ACLY: variants seen among roughly 807,000 people sequenced by gnomAD.
ACLY encodes the protein ATP citrate lyase.
A neutral mutation model predicts 133.0 loss-of-function variants in ACLY; 41 were observed. The ratio of observed to expected loss-of-function variants is 0.31; its 90% CI spans 0.24 to 0.40. ACLY has a LOEUF of 0.40. ACLY is among the 10% of genes least tolerant of loss of function. The probability of loss-of-function intolerance (pLI) is 1.00; values close to 1 mark genes in which losing one functional copy is unlikely to be tolerated. For synonymous variants in ACLY, 495 were observed against 549.3 expected (o/e 0.90, Z 1.38); for missense variants, 1,046 against 1,453.8 (o/e 0.72, Z 4.56).
chr17:41,867,409 A>G lies in ACLY; in HGVS notation c.*401T>C, dbSNP rs1351010696. On this transcript the variant is annotated 3_prime_UTR_variant, in exon 29 of 29. Transcript: ENST00000352035. ...CATTGGGGTGCTTTAAATGTATAGT[A>G]TCTTGAGGCCATAAATGTTTCATTC... 1.3e-5 allele frequency: 2 copies of G among 154,512 alleles called. No homozygotes were observed. Among genetic ancestry groups the G allele is most frequent in the African/African-American group, 4.8e-5 (2 of 41,514 alleles). The allele number at this position is 154,512 out of a possible 1,614,324, so 9.6% of individuals were successfully genotyped here.
intron 11 of ACLY, among the ~76,000 whole-genome samples, 171 bp from the exon 12 acceptor site, chr17:41,898,956 T>C (rs1041935604): frequency 1.3e-5 from 2 of 152,196 alleles, no homozygotes; most frequent in Non-Finnish European, 1.5e-5. Context: ...GACAAATCTT[T>C]CTAAAGGCCA....
At chr17:41,907,135 C>T (rs934762964) in intron 7 of ACLY, among the ~76,000 whole-genome samples, 1 of 152,038 alleles carries the variant, frequency 6.6e-6, no homozygotes, top group Admixed American at 6.6e-5. Flanking sequence ...CAGTGAGACG[C>T]GGAGAGAATG....
rs782069820 is a variant in ACLY at position 41,887,559 on chromosome 17, T to C, written c.1875+40A>G. The C allele has an allele frequency of 1.2e-5, 18 of 1,550,222 alleles. No homozygotes were observed. In the African/African-American group the frequency reaches 1.4e-4, roughly 12 times the overall value. ...CCTAAGGGCATTGAACTTCATAAGA[T>C]AGCATCGAACGTAAAAGGCTTTCCG... On this transcript the variant is annotated intron_variant, in intron 17 of 28. Coordinates refer to ENST00000352035, the MANE Select transcript of ACLY (RefSeq NM_001096.3).
intron 3 of ACLY, among the ~76,000 whole-genome samples, chr17:41,911,317 C>T (rs902460112): frequency 4.6e-5 from 7 of 152,208 alleles, no homozygotes; most frequent in African/African-American, 1.4e-4. Flanking sequence ...TTCAGAGCCA[C>T]GTGCTCTACA....
chr17:41,882,760 T>A (rs1052791856), intron 20 of ACLY, among the ~76,000 whole-genome samples: 2 of 152,182 alleles, frequency 1.3e-5, no homozygotes, highest in African/African-American at 4.8e-5. Context: ...CCAGGCTGTG[T>A]CCTTCTCCCT....
intron 11 of ACLY, 98 bp downstream of exon 11, chr17:41,901,598 G>T: frequency 9.8e-7 from 1 of 1,016,642 alleles, no homozygotes; most frequent in Non-Finnish European, 1.5e-6. Flanking sequence ...GGAGTAGAGA[G>T]CAAAAGAGCC....
intron 1 of ACLY, among the ~76,000 whole-genome samples, chr17:41,917,709 G>A (rs535404876): frequency 4.6e-5 from 7 of 152,236 alleles, no homozygotes; most frequent in African/African-American, 1.7e-4. Flanking sequence ...ATTCTAGAGA[G>A]GCAGAATTCT....
intron 1 of ACLY, among the ~76,000 whole-genome samples, chr17:41,929,094 CTTTTTT>C (rs111865267): frequency 1.5e-5 from 2 of 133,580 alleles, no homozygotes; most frequent in Admixed American, 7.6e-5. Context: ...ATGTTATTTC[CTTTTTT>C]TTTTTTTTTT....
rs550214817 is a variant in ACLY at position 41,883,286 on chromosome 17, G to C, written c.2155-54C>G. On this transcript the variant is annotated intron_variant, in intron 19 of 28. Transcript: ENST00000352035. ...CCAAGTTAGTGCAGCCCATCCTGAC[G>C]TAAAAACTGGATAGAAAATGGAGTG... The C allele has an allele frequency of 4.1e-6, 6 of 1,456,812 alleles. No homozygotes were observed. The Admixed American group carries it at 1.0e-4, about 25-fold the overall frequency. 90.2% of individuals were successfully genotyped at this position (1,456,812 alleles called of 1,614,324 possible).
In ACLY at chr17:41,878,840, C is replaced by T. The variant is rs2048830314; in HGVS notation, c.2350G>A (p.Val784Met). ...AKNQALKEAG[V>M]FVPRSFDELG... ...TCATCAAAGCTCCGGGGCACAAACA[C>T]TCCTGCTTCCTTCAAAGCCTGGTTC... is the stretch of plus-strand genomic sequence containing the variant. Residue 784 changes from valine to methionine, a missense_variant, in exon 21 of 29, where the codon GTG becomes ATG. By Grantham distance (21) the Val-to-Met change is conservative. This residue lies in a region of ACLY where 575 missense variants were observed against 804.2 expected (regional missense o/e 0.71). Transcript: ENST00000352035. 1 of 1,614,124 alleles carries T rather than the reference C, an allele frequency of 6.2e-7. No homozygotes were observed. Among genetic ancestry groups the T allele is most frequent in the Non-Finnish European group, 8.5e-7 (1 of 1,179,992 alleles).
At chr17:41,871,313 G>GC (rs1430396416) in intron 25 of ACLY, among the ~76,000 whole-genome samples, 2 of 150,876 alleles carry the variant, frequency 1.3e-5, no homozygotes, top group East Asian at 1.9e-4. Flanking sequence ...ATAAATTAAT[G>GC]CCCCCACTAT....
chr17:41,872,589 T>G (rs2048624126), intron 23 of ACLY, among the ~76,000 whole-genome samples: 1 of 152,152 alleles, frequency 6.6e-6, no homozygotes, highest in African/African-American at 2.4e-5. Flanking sequence ...CCTCCCAAAG[T>G]GCTGGGATTA....
chr17:41,895,390 TA>T (rs1190458661), intron 14 of ACLY, among the ~76,000 whole-genome samples: 1 of 151,686 alleles, frequency 6.6e-6, no homozygotes, highest in Non-Finnish European at 1.5e-5. Flanking sequence ...AGGGTGGAGG[TA>T]AAGTGGCCCT....
intron 23 of ACLY, among the ~76,000 whole-genome samples, 159 bp from the exon 24 acceptor site, chr17:41,872,341 C>A (rs2048619583): frequency 6.6e-6 from 1 of 152,158 alleles, no homozygotes; most frequent in Non-Finnish European, 1.5e-5. Context: ...TGATTCTTTT[C>A]TTTAGACAGA....
intron 20 of ACLY, among the ~76,000 whole-genome samples, chr17:41,882,397 A>AAAAAAAAAAAT (rs2048942053): frequency 6.9e-6 from 1 of 144,558 alleles, no homozygotes. Context: ...AAAAAAAAAA[A>AAAAAAAAAAAT]GTTGTTTCCA....
chr17:41,898,890 G>A (rs1265041008), intron 11 of ACLY, 105 bp from the exon 12 acceptor site: 12 of 1,146,906 alleles, frequency 1.0e-5, no homozygotes, highest in Middle Eastern at 2.7e-4. Flanking sequence ...AGTGTTTGGC[G>A]CATTCAGTGC....
intron 20 of ACLY, among the ~76,000 whole-genome samples, chr17:41,879,661 AAAAAAAAAAAAAAAAAAAAAAAAAAAG>A (rs1231987222): frequency 3.0e-5 from 2 of 67,274 alleles, no homozygotes; most frequent in Non-Finnish European, 7.1e-5. Context: ...AAAAAAAAAA[AAAAAAAAAAAAAAAAAAAAAAAAAAAG>A]AAGTGCTAAA....
intron 28 of ACLY, among the ~76,000 whole-genome samples, chr17:41,868,161 G>A (rs1264086101): frequency 6.6e-6 from 1 of 151,834 alleles, no homozygotes; most frequent in Non-Finnish European, 1.5e-5. Context: ...AAAATAGGCC[G>A]GGCACGGTGG....
chr17:41,897,454 C>T (rs563023692), intron 13 of ACLY, among the ~76,000 whole-genome samples: 1 of 152,030 alleles, frequency 6.6e-6, no homozygotes, highest in Non-Finnish European at 1.5e-5. Context: ...TTCTGTAACC[C>T]TATCTCCTCC....
Sources: allele counts gnomAD v4.1 joint callset (sites outside exome capture counted in the v4.1 genomes callset), GRCh38; gene constraint gnomAD v4.1.1; regional missense constraint gnomAD v4.1.1; transcripts MANE v1.5; gene names NCBI Gene and HGNC (gene_info 2026-07-23, HGNC 2026-07-21).